CUX1: variants seen among roughly 807,000 people sequenced by gnomAD.
The protein encoded by CUX1 is cut like homeobox 1.
In CUX1, 31 loss-of-function variants were observed where a neutral mutation model predicts 158.8. That is an observed-to-expected ratio of 0.20 (90% CI 0.15 to 0.26). The LOEUF (loss-of-function observed/expected upper bound fraction) is 0.26, where lower values mean the gene tolerates loss of function less well. Among genes scored for constraint, CUX1 ranks in the 10% least tolerant of loss-of-function variants. The pLI, the probability that CUX1 is intolerant of heterozygous loss-of-function variation, is 1.00. For synonymous variants in CUX1, 879 were observed against 862.1 expected, an observed-to-expected ratio of 1.02 and a Z score of -0.34; for missense variants, 1,589 against 2,014.6, an observed-to-expected ratio of 0.79 and a Z score of 4.04.
intron 1 of CUX1, among the ~76,000 whole-genome samples, chr7:101,827,255 CT>C: frequency 8.5e-6 from 1 of 118,212 alleles, no homozygotes; most frequent in Admixed American, 8.5e-5. Flanking sequence ...CTTCTCTTCT[CT>C]TCTCTTCTCT....
At chr7:101,954,804 T>TC (rs1809557175) in intron 2 of CUX1, among the ~76,000 whole-genome samples, 1 of 152,088 alleles carries the variant, frequency 6.6e-6, no homozygotes, top group Non-Finnish European at 1.5e-5. Flanking sequence ...CACGACAAAC[T>TC]CCATCTCCTT....
chr7:101,937,239 C>T (rs954535240), intron 2 of CUX1, among the ~76,000 whole-genome samples: 4 of 152,330 alleles, frequency 2.6e-5, no homozygotes, highest in Middle Eastern at 6.8e-3. Context: ...GCTCCTCCCC[C>T]TGTGAAAGAC....
intron 2 of CUX1, among the ~76,000 whole-genome samples, chr7:102,024,882 A>G (rs1355830631): frequency 6.6e-6 from 1 of 152,174 alleles, no homozygotes; most frequent in Non-Finnish European, 1.5e-5. Flanking sequence ...GCAACCTGCC[A>G]TGCGCCGAGT....
intron 5 of CUX1, among the ~76,000 whole-genome samples, chr7:102,102,591 G>C (rs1292336000): frequency 1.3e-5 from 2 of 152,158 alleles, no homozygotes; most frequent in African/African-American, 4.8e-5. Context: ...CTGCACCAGA[G>C]GGAGCTCCAT....
chr7:101,821,380 C>T (rs1294678004), intron 1 of CUX1, among the ~76,000 whole-genome samples: 1 of 151,398 alleles, frequency 6.6e-6, no homozygotes, highest in East Asian at 1.9e-4. Context: ...GCTCTTTCGC[C>T]CAGGCCGGAG....
intron 2 of CUX1, among the ~76,000 whole-genome samples, chr7:102,025,634 G>GA (rs71517202): frequency 0.2 from 30,001 of 148,690 alleles, 3,548 homozygotes; most frequent in East Asian, 0.63. Context: ...TCTTAGGTGG[G>GA]AAAAAAAAAA....
chr7:101,954,311 C>T (rs957953249), intron 2 of CUX1, among the ~76,000 whole-genome samples: 2 of 152,210 alleles, frequency 1.3e-5, no homozygotes, highest in Admixed American at 6.5e-5. Flanking sequence ...GATGGTGCCA[C>T]TGCACTCCAG....
intron 2 of CUX1, among the ~76,000 whole-genome samples, chr7:101,969,410 T>A: frequency 7.1e-6 from 1 of 140,444 alleles, no homozygotes; most frequent in South Asian, 2.3e-4. Flanking sequence ...TCCTGTACTG[T>A]AAAGAGAAAA....
At chr7:101,818,921 A>T (rs1475913575) in intron 1 of CUX1, 1 of 152,214 alleles carries the variant, frequency 6.6e-6, no homozygotes, top group East Asian at 1.9e-4. Flanking sequence ...ACCTGGGGGT[A>T]AAGAGGCTGA....
intron 2 of CUX1, among the ~76,000 whole-genome samples, chr7:101,934,974 G>C (rs1806744154): frequency 6.6e-6 from 1 of 152,132 alleles, no homozygotes; most frequent in African/African-American, 2.4e-5. Flanking sequence ...TATAGGAGTG[G>C]ATGGAGGGGA....
intron 8 of CUX1, among the ~76,000 whole-genome samples, chr7:102,128,853 CTGT>C (rs1832925958): frequency 6.6e-6 from 1 of 151,934 alleles, no homozygotes; most frequent in Non-Finnish European, 1.5e-5. Context: ...TGGCATGTGT[CTGT>C]AATTCTAGCT....
chr7:102,263,703 T>C (rs1239988393), intron 14 of CUX1, among the ~76,000 whole-genome samples: 15 of 151,662 alleles, frequency 9.9e-5, no homozygotes, highest in African/African-American at 3.1e-4. Flanking sequence ...CTTTTTCTCT[T>C]TTTTTTTGAG....
In CUX1 at chr7:102,248,305, G is replaced by A. The variant is rs1554537676; in HGVS notation, c.3888-107G>A. 4 of 1,097,542 alleles carry A rather than the reference G, an allele frequency of 3.6e-6. No individual in the cohort carries two copies. The highest frequency in any genetic ancestry group is 2.5e-6 in the Non-Finnish European group (2 of 794,982). The allele number at this position is 1,097,542 out of a possible 1,614,324, so 68.0% of individuals were successfully genotyped here. A position where few individuals can be genotyped will look rare whatever the true frequency, so the allele number is the denominator to read the frequency against. ...TGGAGGGGCACGGAGGGGCCTCCAG[G>A]CTGGACGGAGCAGGAGCCCCAGAGA... On this transcript the variant is annotated intron_variant, in intron 23 of 23. Coordinates refer to ENST00000292535, the MANE Select transcript of CUX1 (RefSeq NM_181552.4). The surrounding 1 kb of genome is among the most constrained non-coding windows in gnomAD (Gnocchi z 5.8).
intron 2 of CUX1, among the ~76,000 whole-genome samples, chr7:101,972,302 A>G (rs376393038): frequency 1.5e-4 from 23 of 152,328 alleles, no homozygotes; most frequent in East Asian, 9.6e-4. Flanking sequence ...ATACAGAGTA[A>G]ATGTAGCTTG....
At chr7:102,106,079 CTTTTTTTTT>C (rs782580660) in intron 6 of CUX1, among the ~76,000 whole-genome samples, 10 of 72,270 alleles carry the variant, frequency 1.4e-4, no homozygotes, top group South Asian at 5.8e-4. Flanking sequence ...TTTCTTTTTT[CTTTTTTTTT>C]TTTTTTTTTT....
chr7:102,135,128 GAC>G (rs1361630610), intron 8 of CUX1, among the ~76,000 whole-genome samples: 1 of 152,014 alleles, frequency 6.6e-6, no homozygotes, highest in Non-Finnish European at 1.5e-5. Flanking sequence ...ACTGACCCCC[GAC>G]ACAGTGAAAA....
At chr7:102,148,973 C>G (rs1835321190) in intron 8 of CUX1, among the ~76,000 whole-genome samples, 1 of 152,136 alleles carries the variant, frequency 6.6e-6, no homozygotes, top group East Asian at 1.9e-4. Flanking sequence ...AGTCTTCACT[C>G]CCATGCAGGT....
At chr7:102,021,677 C>G (rs1189086095) in intron 2 of CUX1, among the ~76,000 whole-genome samples, 3 of 140,608 alleles carry the variant, frequency 2.1e-5, no homozygotes, top group Non-Finnish European at 4.5e-5. Flanking sequence ...CCTGCCTCAG[C>G]CTTCTGAGTA....
chr7:102,130,785 C>T (rs1490517269), intron 8 of CUX1, among the ~76,000 whole-genome samples: 1 of 152,102 alleles, frequency 6.6e-6, no homozygotes, highest in Non-Finnish European at 1.5e-5. Context: ...ATATTTTGAC[C>T]TTTTTGCTTC....
Sources: gnomAD v4.1 joint callset for allele counts (sites outside exome capture counted in the v4.1 genomes callset) on GRCh38, gnomAD v4.1.1 for gene constraint, Gnocchi (gnomAD v3.1) non-coding constraint, MANE v1.5 for transcripts, NCBI Gene and HGNC (gene_info 2026-07-23, HGNC 2026-07-21) for gene names.